TBC1D22A: variants seen among roughly 807,000 people sequenced by gnomAD.
TBC1D22A encodes TBC1 domain family member 22A, also known as putative GTPase activator.
Under a neutral mutation model 60.2 loss-of-function variants are expected in TBC1D22A, and 38 were observed. The ratio of observed to expected loss-of-function variants is 0.63; its 90% CI spans 0.49 to 0.83. The LOEUF is 0.83. Among genes scored for constraint, TBC1D22A ranks in the 40% least tolerant of loss-of-function variants. The probability of loss-of-function intolerance (pLI) is 0.00; values close to 1 mark genes in which losing one functional copy is unlikely to be tolerated. For synonymous variants in TBC1D22A, 302 were observed against 281.7 expected (o/e 1.07, Z -0.72); for missense variants, 628 against 701.0 (o/e 0.90, Z 1.18).
At chr22:46,852,950 G>A (rs1304730993) in intron 4 of TBC1D22A, among the ~76,000 whole-genome samples, 1 of 152,162 alleles carries the variant, frequency 6.6e-6, no homozygotes, top group Non-Finnish European at 1.5e-5. Flanking sequence ...GGGTCCCCTG[G>A]CGCTCTTGTG....
At chr22:47,136,914 C>T (rs1288827040) in intron 12 of TBC1D22A, among the ~76,000 whole-genome samples, 3 of 152,200 alleles carry the variant, frequency 2.0e-5, no homozygotes, top group Non-Finnish European at 4.4e-5. Flanking sequence ...TGTCCCATCT[C>T]ACGGTAGGTC....
At chr22:46,933,960 G>A (rs779165952) in intron 8 of TBC1D22A, among the ~76,000 whole-genome samples, 1 of 152,190 alleles carries the variant, frequency 6.6e-6, no homozygotes, top group African/African-American at 2.4e-5. Context: ...TTTCACACTT[G>A]AGAAAGCTGG....
chr22:46,909,969 C>T (rs1008286725), intron 7 of TBC1D22A, among the ~76,000 whole-genome samples: 1 of 152,208 alleles, frequency 6.6e-6, no homozygotes. Context: ...CTCCTCTGGC[C>T]GCTACTTGCA....
chr22:47,146,305 G>A (rs189365979), intron 12 of TBC1D22A, among the ~76,000 whole-genome samples: 2 of 152,344 alleles, frequency 1.3e-5, no homozygotes, highest in Admixed American at 6.5e-5. Context: ...GGGTGGAATT[G>A]TTAAAAGGGT....
At chr22:46,995,551 G>C (rs1264130293) in intron 9 of TBC1D22A, among the ~76,000 whole-genome samples, 1 of 152,184 alleles carries the variant, frequency 6.6e-6, no homozygotes, top group Non-Finnish European at 1.5e-5. Context: ...AACGTAGAGA[G>C]TGCTGGCTGC....
At chr22:46,919,266 C>T (rs1297462318) in intron 8 of TBC1D22A, among the ~76,000 whole-genome samples, 4 of 152,134 alleles carry the variant, frequency 2.6e-5, no homozygotes, top group African/African-American at 9.7e-5. Context: ...TGGTGCGTGG[C>T]CCTTTGTGTC....
intron 4 of TBC1D22A, among the ~76,000 whole-genome samples, chr22:46,820,050 G>C (rs1052401821): frequency 4.6e-5 from 7 of 152,122 alleles, no homozygotes; most frequent in African/African-American, 1.7e-4. Context: ...ATTCTCTGAT[G>C]GTAGTTTGTA....
At chr22:46,924,606 A>G (rs2070941110) in intron 8 of TBC1D22A, among the ~76,000 whole-genome samples, 2 of 152,234 alleles carry the variant, frequency 1.3e-5, no homozygotes, top group South Asian at 4.2e-4. Flanking sequence ...TTAGCTGGGC[A>G]TGGTGGCGCA....
intron 9 of TBC1D22A, among the ~76,000 whole-genome samples, chr22:46,982,932 G>C (rs1490033162): frequency 6.6e-6 from 1 of 152,210 alleles, no homozygotes; most frequent in African/African-American, 2.4e-5. Context: ...GCTTTTCAGT[G>C]GTTGCTGTCA....
chr22:47,086,301 CA>C (rs1237666329), intron 11 of TBC1D22A, among the ~76,000 whole-genome samples: 1 of 152,104 alleles, frequency 6.6e-6, no homozygotes, highest in Non-Finnish European at 1.5e-5. Context: ...ACTAAAAACA[CA>C]AAATTAGCCG....
intron 4 of TBC1D22A, among the ~76,000 whole-genome samples, chr22:46,808,916 A>T (rs555426697): frequency 6.6e-6 from 1 of 152,348 alleles, no homozygotes; most frequent in African/African-American, 2.4e-5. Context: ...TGAGGTATTC[A>T]TATAAACTAT....
At chr22:47,132,520 CCTGCT>C (rs199734353) in intron 12 of TBC1D22A, among the ~76,000 whole-genome samples, 3,164 of 58,128 alleles carry the variant, frequency 0.054, 47 homozygotes, top group Non-Finnish European at 0.076. Context: ...ACCGCCCCGC[CCTGCT>C]GTCTCTGGCC....
At chr22:46,808,697 C>G (rs2085254397) in intron 4 of TBC1D22A, among the ~76,000 whole-genome samples, 1 of 152,144 alleles carries the variant, frequency 6.6e-6, no homozygotes. Context: ...TGAGTTCACG[C>G]CATTCTCTTG....
chr22:47,028,525 C>T lies in TBC1D22A; in HGVS notation c.1202-8546C>T, dbSNP rs1460770764. On this transcript the variant is annotated intron_variant, in intron 10 of 12. Coordinates refer to ENST00000337137, the MANE Select transcript of TBC1D22A (RefSeq NM_014346.5). This position sits in a 1 kb window ranked among gnomAD's most constrained non-coding sequence, Gnocchi z 4.4. ...TCCCTCGGTCCCTGTCCCCCACGGC[C>T]CAGGTTCTGAGAGTGAGTGGTCGCG... Among the ~76,000 whole-genome samples, 1 of 132,338 alleles carries T rather than the reference C, an allele frequency of 7.6e-6. No individual in the cohort carries two copies. The highest frequency in any genetic ancestry group is 2.3e-4 in the East Asian group (1 of 4,362). The allele number at this position is 132,338 out of a possible 152,430, so 86.8% of individuals were successfully genotyped here. A position where few individuals can be genotyped will look rare whatever the true frequency, so the allele number is the denominator to read the frequency against.
intron 7 of TBC1D22A, 128 bp downstream of exon 7, chr22:46,894,974 G>A (rs1484387296): frequency 1.1e-5 from 10 of 903,332 alleles, no homozygotes; most frequent in Admixed American, 9.0e-5. Flanking sequence ...AGCTGCCGGT[G>A]CATCTAGCCC....
chr22:46,928,654 C>T (rs2071182112), intron 8 of TBC1D22A, among the ~76,000 whole-genome samples: 1 of 151,822 alleles, frequency 6.6e-6, no homozygotes, highest in African/African-American at 2.4e-5. Context: ...AAGATGTTTG[C>T]AAATCATATA....
chr22:46,770,004 A>G (rs1365438563), intron 1 of TBC1D22A, among the ~76,000 whole-genome samples: 3 of 152,132 alleles, frequency 2.0e-5, no homozygotes, highest in Non-Finnish European at 2.9e-5. Flanking sequence ...CCTCATCCTC[A>G]TCCCTGACCC....
intron 1 of TBC1D22A, among the ~76,000 whole-genome samples, chr22:46,784,737 T>C (rs1293085473): frequency 6.6e-6 from 1 of 152,168 alleles, no homozygotes; most frequent in African/African-American, 2.4e-5. Context: ...CATTGGGAAA[T>C]GATAGGAAGA....
chr22:47,034,868 G>A (rs779791447), intron 10 of TBC1D22A, among the ~76,000 whole-genome samples: 2 of 152,280 alleles, frequency 1.3e-5, no homozygotes, highest in South Asian at 2.1e-4. Context: ...ATTTTCAGTC[G>A]CTCAGAATAA....
Sources: allele counts gnomAD v4.1 joint callset (sites outside exome capture counted in the v4.1 genomes callset), GRCh38; gene constraint gnomAD v4.1.1; non-coding constraint Gnocchi (gnomAD v3.1); transcripts MANE v1.5; gene names NCBI Gene and HGNC (gene_info 2026-07-23, HGNC 2026-07-21).